DCAF12: variants seen among roughly 807,000 people sequenced by gnomAD.
DCAF12 encodes the protein DDB1 and CUL4 associated factor 12.
Under a neutral mutation model 52.8 loss-of-function variants are expected in DCAF12, and 28 were observed. That is an observed-to-expected ratio of 0.53 (90% CI 0.39 to 0.73). The LOEUF is 0.73. Among genes scored for constraint, DCAF12 ranks in the 30% least tolerant of loss-of-function variants. DCAF12 has a pLI of 0.00. For missense variants in DCAF12, 425 were observed against 552.2 expected (o/e 0.77, Z 2.31); for synonymous variants, 196 against 215.5 (o/e 0.91, Z 0.79).
rs750395514 is a variant in DCAF12 at position 34,088,420 on chromosome 9, G to A, written c.1292C>T (p.Thr431Met). 5.7e-5 allele frequency: 92 copies of A among 1,613,996 alleles called. No homozygotes were observed. Among genetic ancestry groups the A allele is most frequent in the African/African-American group, 9.3e-5 (7 of 75,048 alleles). The change falls in exon 9 of 9, where the codon ACG (threonine) becomes ATG (methionine). Residue 431 changes from threonine (T) to methionine (M), a missense_variant. By Grantham distance (81) the Thr-to-Met change is moderately conservative (BLOSUM62 -1). Transcript: ENST00000361264. ...GGGACCTCCTGCCACAAAGAGTTTC[G>A]TTCCAGACGAGTCGTAGCAGTGGGT... ...VYTHCYDSSG[T>M]KLFVAGGPLP...
At position 34,089,822 on chromosome 9, in the gene DCAF12, T is replaced by G. The variant is rs1587729604; in HGVS notation, c.1025-232A>C. ...ACTGACAGAAACCATCCAAGAAGCC[T>G]TGGAAAAGTGTCAGATTCCCGATGA... On this transcript the variant is annotated intron_variant, in intron 7 of 8. Coordinates refer to ENST00000361264, the MANE Select transcript of DCAF12 (RefSeq NM_015397.4). 51 of 396,506 alleles carry G rather than the reference T, an allele frequency of 1.3e-4. No homozygotes were observed. In the East Asian group the frequency reaches 2.0e-3, roughly 16 times the overall value. 24.6% of individuals were successfully genotyped at this position (396,506 alleles called of 1,614,324 possible).
intron 3 of DCAF12, among the ~76,000 whole-genome samples, chr9:34,107,070 C>T (rs1049806849): frequency 6.6e-6 from 1 of 152,164 alleles, no homozygotes; most frequent in Non-Finnish European, 1.5e-5. Context: ...TCTCAAACAA[C>T]GCCTAGCCAT....
chr9:34,116,792 C>T (rs1829094318), intron 2 of DCAF12, among the ~76,000 whole-genome samples: 1 of 152,152 alleles, frequency 6.6e-6, no homozygotes, highest in South Asian at 2.1e-4. Flanking sequence ...ACCATCCTGG[C>T]CAACATGGCG....
intron 2 of DCAF12, among the ~76,000 whole-genome samples, chr9:34,122,240 T>A (rs1829186275): frequency 6.6e-6 from 1 of 152,154 alleles, no homozygotes; most frequent in Non-Finnish European, 1.5e-5. Context: ...CTTTGCAATT[T>A]TAGGGAAAGT....
intron 2 of DCAF12, among the ~76,000 whole-genome samples, chr9:34,120,687 AG>A (rs1274125229): frequency 2.9e-4 from 41 of 141,204 alleles, no homozygotes; most frequent in Non-Finnish European, 4.7e-4. Flanking sequence ...AAAAAAAAAA[AG>A]AAAACAAAGC....
chr9:34,098,918 G>A (rs1828783592), intron 4 of DCAF12, among the ~76,000 whole-genome samples: 1 of 151,358 alleles, frequency 6.6e-6, no homozygotes, highest in South Asian at 2.1e-4. Context: ...ACAGGTGCCT[G>A]CTCCATGCCT....
At chr9:34,124,937 G>A (rs942908271) in intron 2 of DCAF12, 86 bp downstream of exon 2, 1 of 1,529,782 alleles carries the variant, frequency 6.5e-7, no homozygotes. Flanking sequence ...AAAAGAAACA[G>A]ACGGGAAAAC....
intron 2 of DCAF12, among the ~76,000 whole-genome samples, chr9:34,114,388 C>T (rs537610867): frequency 6.6e-6 from 1 of 152,240 alleles, no homozygotes; most frequent in Admixed American, 6.5e-5. Flanking sequence ...TATGGTGAAA[C>T]CTTGTCTCTA....
At chr9:34,108,580 T>C (rs901193273) in intron 2 of DCAF12, among the ~76,000 whole-genome samples, 3 of 152,164 alleles carry the variant, frequency 2.0e-5, no homozygotes, top group Admixed American at 6.6e-5. Flanking sequence ...TCACCAGAGC[T>C]TGAGAGTTCG....
At chr9:34,094,181 G>C (rs546425046) in intron 6 of DCAF12, among the ~76,000 whole-genome samples, 3 of 152,224 alleles carry the variant, frequency 2.0e-5, no homozygotes, top group Admixed American at 6.5e-5. Context: ...AAGGCAGGCA[G>C]ATCACCTGAG....
At position 34,087,956 on chromosome 9, in the gene DCAF12, A is replaced by C. The variant is rs1828585532; in HGVS notation, c.*394T>G. On this transcript the variant is annotated 3_prime_UTR_variant, in exon 9 of 9. Coordinates refer to ENST00000361264, the MANE Select transcript of DCAF12 (RefSeq NM_015397.4). ...AGACACACACAGCTCCCAAACTTTCACAGAAAGTCTGAGAGCAACCATGTA... is the reference window on the plus strand; with the variant it reads ...AGACACACACAGCTCCCAAACTTTCCCAGAAAGTCTGAGAGCAACCATGTA... 6.3e-6 allele frequency: 1 copy of C among 157,894 alleles called. No homozygotes were observed. Among genetic ancestry groups the C allele is most frequent in the Admixed American group, 6.2e-5 (1 of 16,170 alleles). The allele number at this position is 157,894 out of a possible 1,614,324, so 9.8% of individuals were successfully genotyped here.
intron 4 of DCAF12, among the ~76,000 whole-genome samples, chr9:34,105,096 T>C (rs890795134): frequency 1.3e-5 from 2 of 150,934 alleles, no homozygotes; most frequent in Non-Finnish European, 3.0e-5. Context: ...CTACCAAAAA[T>C]AGAAAAATTA....
chr9:34,125,109 C>G lies in DCAF12; in HGVS notation c.247G>C (p.Glu83Gln). The G allele has an allele frequency of 6.2e-7, 1 of 1,614,150 alleles. No homozygotes were observed. Among genetic ancestry groups the G allele is most frequent in the Non-Finnish European group, 8.5e-7 (1 of 1,180,032 alleles). ...TTATTAAGGGTCCCAAGGTGAAACT[C>G]TCTCTCCTTCAGGAGACTGGGAAGT... ...QQLPSLLKER[E>Q]FHLGTLNKVF... is the part of the protein sequence containing the mutation. The change falls in exon 2 of 9, where the codon GAG (glutamate) becomes CAG (glutamine). Residue 83 changes from glutamate (E) to glutamine (Q), a missense_variant. This residue lies in a region of DCAF12 where 328 missense variants were observed against 444.4 expected (regional missense o/e 0.74). Transcript: ENST00000361264.
At chr9:34,089,713 A>C (rs1028262213) in intron 7 of DCAF12, 123 bp from the exon 8 acceptor site, 24 of 920,004 alleles carry the variant, frequency 2.6e-5, no homozygotes, top group Non-Finnish European at 3.3e-5. Flanking sequence ...CCCGCCCCAC[A>C]AAGTATCAGA....
In DCAF12 at chr9:34,086,464, A is replaced by G. The variant is rs1207379037; in HGVS notation, c.*1886T>C. ...TTTTAAAAACAGAAAATCTCAAACA[A>G]TCAAACGCATTACCCATTACAGAAG... On this transcript the variant is annotated 3_prime_UTR_variant, in exon 9 of 9. Transcript: ENST00000361264. 1 of 152,166 alleles carries G rather than the reference A, an allele frequency of 6.6e-6. No individual in the cohort carries two copies. Among genetic ancestry groups the G allele is most frequent in the East Asian group, 1.9e-4 (1 of 5,194 alleles). The allele number at this position is 152,166 out of a possible 1,614,324, so 9.4% of individuals were successfully genotyped here.
intron 7 of DCAF12, among the ~76,000 whole-genome samples, chr9:34,091,858 T>G (rs2131425377): frequency 6.6e-6 from 1 of 152,210 alleles, no homozygotes; most frequent in East Asian, 1.9e-4. Context: ...ATTTGTTAAG[T>G]TGGATTCTGG....
chr9:34,096,074 G>A (rs1244523175), intron 6 of DCAF12: 1 of 152,150 alleles, frequency 6.6e-6, no homozygotes, highest in Non-Finnish European at 1.5e-5. Context: ...CAAGAATTGA[G>A]ACCAGGTGCA....
intron 2 of DCAF12, among the ~76,000 whole-genome samples, chr9:34,116,064 TTAAA>T (rs1829083390): frequency 6.6e-6 from 1 of 152,044 alleles, no homozygotes; most frequent in Non-Finnish European, 1.5e-5. Flanking sequence ...AGGAACAAAA[TTAAA>T]TAAATAAATC....
intron 4 of DCAF12, among the ~76,000 whole-genome samples, chr9:34,101,880 G>C (rs771296669): frequency 6.6e-6 from 1 of 151,846 alleles, no homozygotes; most frequent in Non-Finnish European, 1.5e-5. Flanking sequence ...GCCAGGCGTG[G>C]TGGGGCACGC....
Sources: allele counts gnomAD v4.1 joint callset (sites outside exome capture counted in the v4.1 genomes callset), GRCh38; gene constraint gnomAD v4.1.1; regional missense constraint gnomAD v4.1.1; transcripts MANE v1.5; gene names NCBI Gene and HGNC (gene_info 2026-07-23, HGNC 2026-07-21).